EYS: variants seen among roughly 807,000 people sequenced by gnomAD.
EYS encodes the protein protein eyes shut homolog.
Under a neutral mutation model 282.1 loss-of-function variants are expected in EYS, and 250 were observed. The ratio of observed to expected loss-of-function variants is 0.89; its 90% confidence interval spans 0.80 to 0.98. EYS has a LOEUF of 0.98. Ranked by LOEUF, EYS falls within the 50% of genes least tolerant of loss-of-function variation. The pLI is 0.00. For missense variants in EYS, 4,016 were observed against 3,709.0 expected, an observed-to-expected ratio of 1.08 and a Z score of -2.15; for synonymous variants, 1,355 against 1,282.9, an observed-to-expected ratio of 1.06 and a Z score of -1.20.
intron 35 of EYS, among the ~76,000 whole-genome samples, chr6:63,968,074 T>C (rs1766387924): frequency 6.6e-6 from 1 of 151,458 alleles, no homozygotes; most frequent in Admixed American, 6.6e-5. Context: ...TCTGTCACAT[T>C]ATGAATTTTT....
At chr6:64,453,941 G>C (rs1437515419) in intron 26 of EYS, among the ~76,000 whole-genome samples, 1 of 151,922 alleles carries the variant, frequency 6.6e-6, no homozygotes, top group Non-Finnish European at 1.5e-5. Context: ...ACACCAACTT[G>C]GCACATATAT....
intron 30 of EYS, among the ~76,000 whole-genome samples, chr6:64,278,255 T>C (rs1489389443): frequency 6.6e-6 from 1 of 152,162 alleles, no homozygotes; most frequent in African/African-American, 2.4e-5. Flanking sequence ...TAAATGTTCC[T>C]TTAATTAATG....
intron 14 of EYS, among the ~76,000 whole-genome samples, chr6:64,947,213 C>T (rs930496366): frequency 1.3e-5 from 2 of 151,670 alleles, no homozygotes; most frequent in Non-Finnish European, 2.9e-5. Flanking sequence ...AAGTTAGTAG[C>T]CAAAACAAAA....
At chr6:64,068,573 TG>T (rs1208960195) in intron 32 of EYS, among the ~76,000 whole-genome samples, 2 of 152,000 alleles carry the variant, frequency 1.3e-5, no homozygotes, top group African/African-American at 4.8e-5. Flanking sequence ...GACGAGTTAA[TG>T]GGTGCAGCAC....
In EYS at chr6:64,591,295, A is replaced by G. The variant is rs1392075273; in HGVS notation, c.4572T>C (p.Ser1524=). 1 of 1,551,368 alleles carries G rather than the reference A, an allele frequency of 6.4e-7. No individual in the cohort carries two copies. Among genetic ancestry groups the G allele is most frequent in the Non-Finnish European group, 8.7e-7 (1 of 1,146,758 alleles). The change falls in exon 26 of 43, where the codon AGT becomes AGC. Residue 1524 remains serine, a synonymous_variant. Coordinates refer to ENST00000503581, the MANE Select transcript of EYS (RefSeq NM_001142800.2). ...HRFSTKAFNP[S]EYQAITEASS... is the part of the protein sequence containing the mutation. Reference sequence around the variant, plus strand: ...AAGCCTCAGTAATAGCCTGATATTCACTGGGATTGAAGGCTTTTGTACTGA... The same window carrying G: ...AAGCCTCAGTAATAGCCTGATATTCGCTGGGATTGAAGGCTTTTGTACTGA...
At chr6:65,475,148 C>T (rs1765351880) in intron 5 of EYS, among the ~76,000 whole-genome samples, 1 of 151,150 alleles carries the variant, frequency 6.6e-6, no homozygotes, top group Admixed American at 6.6e-5. Flanking sequence ...GTTCAACTGT[C>T]ATATATATAT....
At chr6:65,398,148 T>C (rs1001527788) in intron 7 of EYS, among the ~76,000 whole-genome samples, 2 of 152,132 alleles carry the variant, frequency 1.3e-5, no homozygotes, top group East Asian at 1.9e-4. Flanking sequence ...TTGTAGATTC[T>C]GAATACTAGC....
At chr6:64,610,746 T>C (rs1449024946) in intron 24 of EYS, among the ~76,000 whole-genome samples, 4 of 152,198 alleles carry the variant, frequency 2.6e-5, no homozygotes, top group Admixed American at 2.6e-4. Context: ...TGTGCCATAA[T>C]AAAATGTAAG....
intron 12 of EYS, among the ~76,000 whole-genome samples, chr6:65,276,863 T>C (rs1232113534): frequency 1.3e-5 from 2 of 152,168 alleles, no homozygotes; most frequent in East Asian, 1.9e-4. Flanking sequence ...GACATGAGCA[T>C]TTCCTTCTTA....
At chr6:65,221,153 A>T (rs1349000141) in intron 12 of EYS, among the ~76,000 whole-genome samples, 1 of 152,230 alleles carries the variant, frequency 6.6e-6, no homozygotes, top group Non-Finnish European at 1.5e-5. Context: ...CAGCCCAATG[A>T]TGCAATGGAA....
At chr6:65,407,785 GTA>G (rs1459384621) in intron 5 of EYS, among the ~76,000 whole-genome samples, 91 of 129,172 alleles carry the variant, frequency 7.0e-4, no homozygotes, top group African/African-American at 2.2e-3. Context: ...GTGTGTGTGT[GTA>G]TGTCTAACAA....
chr6:64,332,100 A>G (rs538490103), intron 29 of EYS, among the ~76,000 whole-genome samples: 2 of 152,302 alleles, frequency 1.3e-5, no homozygotes, highest in South Asian at 4.1e-4. Context: ...GTTCTGGAAG[A>G]GTTGAAAGAA....
intron 12 of EYS, among the ~76,000 whole-genome samples, chr6:65,288,627 C>G (rs2150281224): frequency 6.6e-6 from 1 of 150,890 alleles, no homozygotes; most frequent in Non-Finnish European, 1.5e-5. Context: ...TAAAAAGTTA[C>G]CATACATATG....
intron 1 of EYS, among the ~76,000 whole-genome samples, chr6:65,705,601 T>G (rs1398768644): frequency 6.6e-6 from 1 of 152,176 alleles, no homozygotes; most frequent in Non-Finnish European, 1.5e-5. Context: ...TGCTCACAAG[T>G]TATTCTCTAG....
chr6:64,221,072 T>C (rs1231280343), intron 31 of EYS, among the ~76,000 whole-genome samples: 1 of 152,176 alleles, frequency 6.6e-6, no homozygotes, highest in Non-Finnish European at 1.5e-5. Context: ...ATTCACAGAA[T>C]TGGTGTGTGG....
intron 2 of EYS, among the ~76,000 whole-genome samples, chr6:65,545,492 A>T (rs1768350942): frequency 6.6e-6 from 1 of 152,150 alleles, no homozygotes; most frequent in Admixed American, 6.6e-5. Context: ...ATGTCAATAT[A>T]AATAATCTTT....
chr6:64,612,285 G>A (rs1001324205), intron 24 of EYS, among the ~76,000 whole-genome samples: 13 of 151,742 alleles, frequency 8.6e-5, no homozygotes, highest in Admixed American at 6.6e-4. Context: ...CACTTTCATC[G>A]ACTCTATCAT....
intron 26 of EYS, among the ~76,000 whole-genome samples, chr6:64,530,889 C>T (rs1295838020): frequency 1.3e-5 from 2 of 152,052 alleles, no homozygotes; most frequent in African/African-American, 2.4e-5. Context: ...TCTAATTAAT[C>T]CACAATTTGT....
At chr6:64,498,140 C>A (rs1304056402) in intron 26 of EYS, among the ~76,000 whole-genome samples, 1 of 152,126 alleles carries the variant, frequency 6.6e-6, no homozygotes, top group African/African-American at 2.4e-5. Context: ...CAGTATATTT[C>A]ATATAAATAG....
Sources: allele counts gnomAD v4.1 joint callset (sites outside exome capture counted in the v4.1 genomes callset), GRCh38; gene constraint gnomAD v4.1.1; transcripts MANE v1.5; gene names NCBI Gene and HGNC (gene_info 2026-07-23, HGNC 2026-07-21).